The following ELSPBP1 variants were observed in gnomAD, a reference collection of about 807,000 sequenced individuals.
ELSPBP1 encodes epididymal sperm-binding protein 1.
A neutral mutation model predicts 33.3 loss-of-function variants in ELSPBP1; 38 were observed. The observed-to-expected ratio is 1.14, with a 90% CI of 0.88 to 1.50. ELSPBP1 has a LOEUF of 1.50. Among genes scored for constraint, ELSPBP1 ranks in the 40% most tolerant of loss-of-function variants. The pLI is 0.00. For synonymous variants in ELSPBP1, 85 were observed against 94.1 expected (o/e 0.90, Z 0.56); for missense variants, 267 against 263.5 (o/e 1.01, Z -0.09).
chr19:48,016,527 T>TCTTC lies in ELSPBP1; in HGVS notation c.355+527_355+530dup, dbSNP rs1292111942. Among the ~76,000 whole-genome samples the TCTTC allele has an allele frequency of 6.5e-4, 33 of 50,474 alleles. 1 individual carries two copies. The highest frequency in any genetic ancestry group is 1.1e-3 in the East Asian group (2 of 1,786). 33.1% of individuals were successfully genotyped at this position (50,474 alleles called of 152,430 possible). ...TTCTTTCTTTCTTTCTTTCTTTCTT[T>TCTTC]CTTCCTTCCTTCCTTCCTTCCTTCC... is the stretch of plus-strand genomic sequence containing the variant. On this transcript the variant is annotated intron_variant, in intron 4 of 6. Coordinates refer to ENST00000339841, the MANE Select transcript of ELSPBP1 (RefSeq NM_022142.5).
At chr19:48,009,606 AT>A (rs1351698074) in intron 2 of ELSPBP1, among the ~76,000 whole-genome samples, 9 of 152,286 alleles carry the variant, frequency 5.9e-5, no homozygotes, top group African/African-American at 9.6e-5. Flanking sequence ...CCATTTGCAT[AT>A]TGATGCACCT....
chr19:48,013,356 G>A (rs1967096800), intron 2 of ELSPBP1, among the ~76,000 whole-genome samples: 1 of 152,194 alleles, frequency 6.6e-6, no homozygotes, highest in Non-Finnish European at 1.5e-5. Flanking sequence ...GAAATTGGAT[G>A]CTAAGCCTAG....
chr19:48,003,981 T>C (rs1966993415), intron 1 of ELSPBP1, among the ~76,000 whole-genome samples: 1 of 150,980 alleles, frequency 6.6e-6, no homozygotes, highest in Admixed American at 6.7e-5. Flanking sequence ...TCTTCCTCTG[T>C]TGCCCAGGCT....
At chr19:47,999,085 G>T (rs540349411) in intron 1 of ELSPBP1, among the ~76,000 whole-genome samples, 9 of 152,266 alleles carry the variant, frequency 5.9e-5, no homozygotes, top group African/African-American at 1.7e-4. Context: ...ACTGTGTGTG[G>T]CTGACTCTAG....
chr19:48,016,557 TTCCTTCCTTCCTCCCTTCA>T, intron 4 of ELSPBP1, among the ~76,000 whole-genome samples: 1 of 106,664 alleles, frequency 9.4e-6, no homozygotes, highest in Admixed American at 9.5e-5. Context: ...CCTTCCTTCC[TTCCTTCCTTCCTCCCTTCA>T]TCTCTCTCTT....
chr19:48,014,265 C>T lies in ELSPBP1; in HGVS notation c.165C>T (p.Thr55=), dbSNP rs141635603. 5.0e-6 allele frequency: 8 copies of T among 1,614,044 alleles called. No homozygotes were observed. The Admixed American group carries it at 1.3e-4, about 27-fold the overall frequency. ...ATAGCTTATCCCCTTGGTGTGCCAC[C>T]AGAGCCGTGTACAACGGCCAGTGGA... ...HIHSLSPWCA[T]RAVYNGQWKY... The change falls in exon 3 of 7, where the codon ACC becomes ACT. Residue 55 remains threonine, a synonymous_variant. Transcript: ENST00000339841.
chr19:48,020,852 G>T (rs1967191792), intron 5 of ELSPBP1, among the ~76,000 whole-genome samples: 1 of 152,178 alleles, frequency 6.6e-6, no homozygotes, highest in South Asian at 2.1e-4. Context: ...GGGCAAAGAG[G>T]AACTAGAAGG....
intron 1 of ELSPBP1, among the ~76,000 whole-genome samples, chr19:48,002,329 C>T (rs1966976105): frequency 1.3e-5 from 2 of 152,104 alleles, no homozygotes; most frequent in South Asian, 4.1e-4. Flanking sequence ...TCATTTGAAT[C>T]TTGAGGAGAA....
At chr19:47,998,833 T>C (rs1385970480) in intron 1 of ELSPBP1, among the ~76,000 whole-genome samples, 1 of 150,366 alleles carries the variant, frequency 6.7e-6, no homozygotes, top group African/African-American at 2.4e-5. Flanking sequence ...TTGGGGGACA[T>C]TTCACTGGAA....
chr19:48,015,127 A>G (rs991230540), intron 3 of ELSPBP1, among the ~76,000 whole-genome samples: 1 of 152,204 alleles, frequency 6.6e-6, no homozygotes, highest in African/African-American at 2.4e-5. Context: ...ATAATAAAGG[A>G]AACTAGAGAA....
At chr19:48,002,161 A>AC (rs1966974721) in intron 1 of ELSPBP1, among the ~76,000 whole-genome samples, 1 of 152,128 alleles carries the variant, frequency 6.6e-6, no homozygotes, top group Non-Finnish European at 1.5e-5. Context: ...CACTGTGCGG[A>AC]TGAGGACTGA....
rs1967078828 is a variant in ELSPBP1 at position 48,011,509 on chromosome 19, TGAC to T, written c.71-2661_71-2659del. On this transcript the variant is annotated intron_variant, in intron 2 of 6. Transcript: ENST00000339841. The surrounding 1 kb of genome is among the most constrained non-coding windows in gnomAD (Gnocchi z 4.5). ...TAATGACAATGACTGATAATGATGA[TGAC>T]AATGATGATGACAATGACTGATAAT... 6.6e-6 allele frequency among the ~76,000 whole-genome samples: 1 copy of T among 151,512 alleles called. No homozygotes were observed. The highest frequency in any genetic ancestry group is 1.5e-5 in the Non-Finnish European group (1 of 67,942).
In ELSPBP1 at chr19:48,022,292, A is replaced by G; in HGVS notation, c.637A>G (p.Asn213Asp). The change falls in exon 6 of 7, where the codon AAC becomes GAC. Residue 213 changes from asparagine to aspartate, a missense_variant. Coordinates refer to ENST00000339841, the MANE Select transcript of ELSPBP1 (RefSeq NM_022142.5). ...CCTTGTGTGGTGTGCAACTTCTTAC[A>G]ACTACGACCAAGACCACACCTGGGT... ...ENLVWCATSY[N>D]YDQDHTWVYC 1.9e-6 allele frequency: 3 copies of G among 1,613,146 alleles called. No individual in the cohort carries two copies. Among genetic ancestry groups the G allele is most frequent in the Non-Finnish European group, 2.5e-6 (3 of 1,179,566 alleles).
intron 1 of ELSPBP1, among the ~76,000 whole-genome samples, chr19:47,997,789 A>T (rs1161901862): frequency 2.0e-5 from 3 of 152,318 alleles, no homozygotes; most frequent in African/African-American, 7.2e-5. Context: ...AACATTTATC[A>T]TTTCTTTGTG....
At chr19:48,001,758 A>G (rs10420270) in intron 1 of ELSPBP1, among the ~76,000 whole-genome samples, 86,285 of 151,008 alleles carry the variant, frequency 0.57, 25,010 homozygotes, top group African/African-American at 0.64. Context: ...TCACTGTGTT[A>G]CCTAGGCTGA....
chr19:48,000,719 G>A (rs1966959284), intron 1 of ELSPBP1, among the ~76,000 whole-genome samples: 1 of 152,182 alleles, frequency 6.6e-6, no homozygotes, highest in Admixed American at 6.5e-5. Context: ...CTGTGCGTGT[G>A]TCCATGGAGC....
intron 5 of ELSPBP1, 64 bp downstream of exon 5, chr19:48,019,941 A>G (rs1439662496): frequency 1.3e-6 from 2 of 1,523,200 alleles, no homozygotes; most frequent in African/African-American, 1.4e-5. Context: ...CTCAACAAAC[A>G]CCTCCTGAAA....
At chr19:48,020,099 A>C (rs1182737673) in intron 5 of ELSPBP1, among the ~76,000 whole-genome samples, 1 of 152,148 alleles carries the variant, frequency 6.6e-6, no homozygotes, top group Non-Finnish European at 1.5e-5. Flanking sequence ...AAATGCTCAA[A>C]ATGTTAAACA....
At chr19:48,009,085 G>A (rs537957530) in intron 2 of ELSPBP1, among the ~76,000 whole-genome samples, 28 of 148,984 alleles carry the variant, frequency 1.9e-4, no homozygotes, top group African/African-American at 5.9e-4. Context: ...GCAGTGAGCC[G>A]AGATCGTACC....
Sources: allele counts gnomAD v4.1 joint callset (sites outside exome capture counted in the v4.1 genomes callset), GRCh38; gene constraint gnomAD v4.1.1; non-coding constraint Gnocchi (gnomAD v3.1); transcripts MANE v1.5; gene names NCBI Gene and HGNC (gene_info 2026-07-23, HGNC 2026-07-21).